The following MAGI2 variants were observed in gnomAD, a reference collection of about 807,000 sequenced individuals.
MAGI2 encodes the protein membrane-associated guanylate kinase, WW and PDZ domain-containing protein 2.
MAGI2 carries 35 observed loss-of-function variants against 133.3 expected under a neutral mutation model. That is an observed-to-expected ratio of 0.26 (90% CI 0.20 to 0.35). MAGI2 has a LOEUF of 0.35. MAGI2 is among the 10% of genes least tolerant of loss of function. The pLI, the probability that MAGI2 is intolerant of heterozygous loss-of-function variation, is 1.00. For synonymous variants in MAGI2, 729 were observed against 710.6 expected (o/e 1.03, Z -0.41); for missense variants, 1,636 against 1,863.4 (o/e 0.88, Z 2.25).
intron 1 of MAGI2, among the ~76,000 whole-genome samples, chr7:79,120,597 G>A (rs1368231627): frequency 6.6e-6 from 1 of 151,938 alleles, no homozygotes; most frequent in Non-Finnish European, 1.5e-5. Context: ...TCATAAGCTA[G>A]GTCCTAATCT....
chr7:78,107,104 A>T lies in MAGI2; in HGVS notation c.3567+18590T>A, dbSNP rs140465494. 2.4e-3 allele frequency among the ~76,000 whole-genome samples: 368 copies of T among 152,234 alleles called. 2 individuals carry two copies. Among genetic ancestry groups the T allele is most frequent in the African/African-American group, 8.4e-3 (350 of 41,558 alleles). On this transcript the variant is annotated intron_variant, in intron 20 of 21. Transcript: ENST00000354212. ...TCCAGTTTTCCCAGCACCATTTTTG[A>T]ACAGACTGTCCTTTCCCCAATGTAT...
intron 9 of MAGI2, among the ~76,000 whole-genome samples, chr7:78,303,493 T>C (rs990395510): frequency 1.3e-5 from 2 of 151,276 alleles, no homozygotes; most frequent in Non-Finnish European, 2.9e-5. Context: ...TCTCTCTGCA[T>C]GCTCCCTCCC....
At chr7:79,099,367 A>G (rs1817772457) in intron 1 of MAGI2, among the ~76,000 whole-genome samples, 1 of 152,220 alleles carries the variant, frequency 6.6e-6, no homozygotes, top group Admixed American at 6.5e-5. Context: ...AAATTCACCT[A>G]TAAGATTTTA....
intron 3 of MAGI2, among the ~76,000 whole-genome samples, chr7:78,549,740 A>T (rs1203355933): frequency 6.6e-6 from 1 of 152,200 alleles, no homozygotes; most frequent in African/African-American, 2.4e-5. Flanking sequence ...ATTTCCTATG[A>T]CCTATAAAAC....
At position 78,256,406 on chromosome 7, in the gene MAGI2, T is replaced by C. The variant is rs1476045674; in HGVS notation, c.1584A>G (p.Ala528=). The C allele has an allele frequency of 6.2e-7, 1 of 1,613,944 alleles. No homozygotes were observed. The highest frequency in any genetic ancestry group is 8.5e-7 in the Non-Finnish European group (1 of 1,179,960). Residue 528 remains alanine, a synonymous_variant, in exon 10 of 22, where the codon GCA becomes GCG. Transcript: ENST00000354212. ...TCACTGGAGGTGGCCTCTCCATTAT[T>C]GCAAGGGGTGGCACCATGCTGTTAG... ...DPANSMVPPL[A]IMERPPPVMV... is the part of the protein sequence containing the mutation.
chr7:78,431,342 AATACCT>A (rs562576714), intron 6 of MAGI2, among the ~76,000 whole-genome samples: 149 of 152,206 alleles, frequency 9.8e-4, no homozygotes, highest in African/African-American at 3.3e-3. Context: ...CTTTCGAGCT[AATACCT>A]GCTATTTAGG....
intron 2 of MAGI2, among the ~76,000 whole-genome samples, chr7:78,967,947 C>T (rs564471309): frequency 6.6e-6 from 1 of 152,212 alleles, no homozygotes; most frequent in South Asian, 2.1e-4. Context: ...TCTCCTGCCT[C>T]AGCCTCCCAA....
Position 78,019,248 on chromosome 7 carries a change from G to A in MAGI2, c.*67C>T, listed in dbSNP as rs983909157. ...TGTGACAGTGAAAATAAATTAAAAC[G>A]CCGTGAGACGGAACCTAAGAAGAAC... On this transcript the variant is annotated 3_prime_UTR_variant, in exon 22 of 22. Coordinates refer to ENST00000354212, the MANE Select transcript of MAGI2 (RefSeq NM_012301.4). 8 of 1,539,544 alleles carry A rather than the reference G, an allele frequency of 5.2e-6. No homozygotes were observed. The African/African-American group carries it at 1.1e-4, about 21-fold the overall frequency.
chr7:79,048,423 T>C (rs1360509216), intron 1 of MAGI2, among the ~76,000 whole-genome samples: 2 of 152,208 alleles, frequency 1.3e-5, no homozygotes, highest in African/African-American at 2.4e-5. Context: ...TATTTGACTT[T>C]TTATTTCTGC....
At position 78,209,419 on chromosome 7, in the gene MAGI2, G is replaced by T. The variant is rs536480123; in HGVS notation, c.2048-8226C>A. Among the ~76,000 whole-genome samples the T allele has an allele frequency of 2.0e-5, 3 of 149,866 alleles. No individual in the cohort carries two copies. In the East Asian group the frequency reaches 6.2e-4, roughly 31 times the overall value. On this transcript the variant is annotated intron_variant, in intron 10 of 21. Transcript: ENST00000354212. ...TGGGACTACAGGCGTGCACCATCAC[G>T]CCCCACTAAAATTTGTATTTTTAGT...
chr7:78,521,339 G>T, intron 4 of MAGI2, 91 bp downstream of exon 4: 2 of 839,810 alleles, frequency 2.4e-6, no homozygotes, highest in Non-Finnish European at 4.0e-6. Flanking sequence ...CTATGTATCT[G>T]TATATATATC....
chr7:78,306,004 G>GA (rs1440658104), intron 9 of MAGI2, among the ~76,000 whole-genome samples: 2 of 152,052 alleles, frequency 1.3e-5, no homozygotes, highest in Admixed American at 6.6e-5. Flanking sequence ...AATTAGGAAG[G>GA]AAAAAATTCA....
chr7:79,168,907 TATATATATATATATATATATATATATAA>T (rs1825233634), intron 1 of MAGI2, among the ~76,000 whole-genome samples: 5 of 10,212 alleles, frequency 4.9e-4, no homozygotes, highest in Non-Finnish European at 2.2e-3. Context: ...TATATATATA[TATATATATATATATATATATATATATAA>T]ATTTTTTTTC....
intron 1 of MAGI2, among the ~76,000 whole-genome samples, chr7:79,240,904 G>A (rs1832350655): frequency 6.6e-6 from 1 of 152,032 alleles, no homozygotes; most frequent in African/African-American, 2.4e-5. Context: ...AGGAGGTAAC[G>A]GCTGGGCACA....
chr7:78,251,665 A>G (rs1792396061), intron 10 of MAGI2: 1 of 152,244 alleles, frequency 6.6e-6, no homozygotes, highest in South Asian at 2.1e-4. Flanking sequence ...GAACAAAAGT[A>G]CAAGATCTGT....
Position 78,737,697 on chromosome 7 carries a change from A to G in MAGI2, c.419-110458T>C, listed in dbSNP as rs1822001009. On this transcript the variant is annotated intron_variant, in intron 2 of 21. Transcript: ENST00000354212. The stretch of plus-strand genomic sequence containing the variant: ...AAATATAAAATAATACATTCTTTTT[A>G]CTATTTTTTGTTTTGGAAAATATAG... Among the ~76,000 whole-genome samples, 2 of 152,156 alleles carry G rather than the reference A, an allele frequency of 1.3e-5. 1 individual carries two copies. The highest frequency in any genetic ancestry group is 4.1e-4 in the South Asian group (2 of 4,836).
At chr7:78,316,748 C>G (rs1454015133) in intron 9 of MAGI2, among the ~76,000 whole-genome samples, 1 of 152,140 alleles carries the variant, frequency 6.6e-6, no homozygotes, top group African/African-American at 2.4e-5. Context: ...ACTTGAGAAG[C>G]ACTTAAATTA....
intron 2 of MAGI2, among the ~76,000 whole-genome samples, chr7:78,718,380 G>A (rs1204044200): frequency 6.6e-6 from 1 of 152,006 alleles, no homozygotes; most frequent in Non-Finnish European, 1.5e-5. Flanking sequence ...ATTAAGAACT[G>A]GGCCACACGG....
chr7:79,158,857 T>C (rs978594083), intron 1 of MAGI2, among the ~76,000 whole-genome samples: 5 of 152,082 alleles, frequency 3.3e-5, no homozygotes, highest in African/African-American at 7.2e-5. Context: ...ATTTTATTAA[T>C]TGATATTAAG....
Sources: gnomAD v4.1 joint callset for allele counts (sites outside exome capture counted in the v4.1 genomes callset) on GRCh38, gnomAD v4.1.1 for gene constraint, MANE v1.5 for transcripts, NCBI Gene and HGNC (gene_info 2026-07-23, HGNC 2026-07-21) for gene names.